ALOX12B: variants seen among roughly 807,000 people sequenced by gnomAD.
ALOX12B encodes arachidonate 12-lipoxygenase, 12R type, also known as arachidonate 12-lipoxygenase, 12R-type.
Under a neutral mutation model 78.9 loss-of-function variants are expected in ALOX12B, and 47 were observed. The observed-to-expected ratio is 0.60, with a 90% CI of 0.47 to 0.76. ALOX12B has a LOEUF of 0.76. Among genes scored for constraint, ALOX12B ranks in the 30% least tolerant of loss-of-function variants. The pLI, the probability that ALOX12B is intolerant of heterozygous loss-of-function variation, is 0.00. For synonymous variants in ALOX12B, 370 were observed against 374.5 expected (o/e 0.99, Z 0.14); for missense variants, 805 against 922.6 (o/e 0.87, Z 1.65).
Position 8,079,246 on chromosome 17 carries a change from T to C in ALOX12B, c.1071+150A>G. The stretch of plus-strand genomic sequence containing the variant: ...ACTTGAGCATCTGCAGATTTTGGCA[T>C]CCCGGGGAGGTCCTGGAACCAATCT... On this transcript the variant is annotated intron_variant, in intron 8 of 14. Transcript: ENST00000647874. This position sits in a 1 kb window ranked among gnomAD's most constrained non-coding sequence, Gnocchi z 6.4. 8.1e-7 allele frequency: 1 copy of C among 1,227,966 alleles called. No homozygotes were observed. Among genetic ancestry groups the C allele is most frequent in the Non-Finnish European group, 1.1e-6 (1 of 910,494 alleles). The allele number at this position is 1,227,966 out of a possible 1,614,324, so 76.1% of individuals were successfully genotyped here. A position where few individuals can be genotyped will look rare whatever the true frequency, so the allele number is the denominator to read the frequency against.
At position 8,080,734 on chromosome 17, in the gene ALOX12B, C is replaced by T; in HGVS notation, c.574G>A (p.Ala192Thr). The T allele has an allele frequency of 6.2e-7, 1 of 1,614,120 alleles. No individual in the cohort carries two copies. Among genetic ancestry groups the T allele is most frequent in the Non-Finnish European group, 8.5e-7 (1 of 1,180,028 alleles). The stretch of plus-strand genomic sequence containing the variant: ...AGATTTAAGTTCAGGAACTTGGTGG[C>T]CTTAAAGTTGATGAGAATTGGGAAT... The part of the protein sequence containing the change: ...PGFPILINFK[A>T]TKFLNLNLRY... The change falls in exon 5 of 15, where the codon GCC (alanine) becomes ACC (threonine). Residue 192 changes from alanine to threonine, a missense_variant. Ala to Thr is a moderately conservative substitution (Grantham distance 58). Transcript: ENST00000647874. The surrounding 1 kb of genome is among the most constrained non-coding windows in gnomAD (Gnocchi z 4.8).
chr17:8,086,356 T>TCTGATTGACCTGATC, intron 1 of ALOX12B, 136 bp from the exon 2 acceptor site: 1 of 886,648 alleles, frequency 1.1e-6, no homozygotes, highest in Non-Finnish European at 1.8e-6. Context: ...AGGGACAGGA[T>TCTGATTGACCTGATC]ATTGACCTGA....
chr17:8,076,668 G>A lies in ALOX12B; in HGVS notation c.1351C>T (p.Leu451Phe), dbSNP rs760658416. 1.5e-5 allele frequency: 24 copies of A among 1,551,204 alleles called. No individual in the cohort carries two copies. Among genetic ancestry groups the A allele is most frequent in the Non-Finnish European group, 2.0e-5 (23 of 1,146,938 alleles). Residue 451 changes from leucine to phenylalanine, a missense_variant, in exon 10 of 15, where the codon CTC (leucine) becomes TTC (phenylalanine). By Grantham distance (22) the Leu-to-Phe change is conservative. Transcript: ENST00000647874. ...GGCAGAAGTCTTACCTTGGCAGAGA[G>A]CCCCCCCTCATTGAGGAGAACGGCC... ...GRAVLLNEGG[L>F]SAKGMSLGVE...
Position 8,080,582 on chromosome 17 carries a change from T to C in ALOX12B, c.650+76A>G. 1 of 1,607,898 alleles carries C rather than the reference T, an allele frequency of 6.2e-7. No individual in the cohort carries two copies. The highest frequency in any genetic ancestry group is 8.5e-7 in the Non-Finnish European group (1 of 1,176,146). ...GCCATTCCAACCTCTGGGGCTGTCT[T>C]GGAGGCCGCCAAGGTTGGGGGAGAG... On this transcript the variant is annotated intron_variant, in intron 5 of 14. Coordinates refer to ENST00000647874, the MANE Select transcript of ALOX12B (RefSeq NM_001139.3). This position sits in a 1 kb window ranked among gnomAD's most constrained non-coding sequence, Gnocchi z 4.8.
intron 11 of ALOX12B, 132 bp downstream of exon 11, chr17:8,076,043 C>T: frequency 2.4e-6 from 3 of 1,241,978 alleles, no homozygotes; most frequent in Non-Finnish European, 2.3e-6. Flanking sequence ...ACACAGACCC[C>T]AGGCCCCTTC....
At chr17:8,073,838 G>T (rs1285386711) in intron 12 of ALOX12B, 81 bp from the exon 13 acceptor site, 6 of 1,134,418 alleles carry the variant, frequency 5.3e-6, no homozygotes, top group Non-Finnish European at 7.9e-6. Context: ...ACCATGCCCC[G>T]CTCTCACCGT....
In ALOX12B at chr17:8,080,217, G is replaced by A. The variant is rs902691979; in HGVS notation, c.754+18C>T. On this transcript the variant is annotated intron_variant, in intron 6 of 14. Coordinates refer to ENST00000647874, the MANE Select transcript of ALOX12B (RefSeq NM_001139.3). This position sits in a 1 kb window ranked among gnomAD's most constrained non-coding sequence, Gnocchi z 4.8. Reference sequence around the variant, plus strand: ...CGCCTGGCTCCCCCTGCTCGATCCGGGACGCCCCATTCCATACCGGAGACG... The same window carrying A: ...CGCCTGGCTCCCCCTGCTCGATCCGAGACGCCCCATTCCATACCGGAGACG... 1.9e-5 allele frequency: 31 copies of A among 1,611,652 alleles called. No homozygotes were observed. Among genetic ancestry groups the A allele is most frequent in the Non-Finnish European group, 2.5e-5 (29 of 1,177,860 alleles).
In ALOX12B at chr17:8,084,160, A is replaced by AG. The variant is rs533788000; in HGVS notation, c.352+1855_352+1856insC. On this transcript the variant is annotated intron_variant, in intron 2 of 14. Coordinates refer to ENST00000647874, the MANE Select transcript of ALOX12B (RefSeq NM_001139.3). ...CAGAGCGAGACTCCATCTCAAAAAA[A>AG]AAAATTTGAAAATATGCCCAAATGT... 1.2e-3 allele frequency among the ~76,000 whole-genome samples: 187 copies of AG among 151,918 alleles called. 1 individual carries two copies. The highest frequency in any genetic ancestry group is 6.8e-3 in the Middle Eastern group (2 of 294).
chr17:8,078,379 C>T (rs1007621162), intron 8 of ALOX12B, among the ~76,000 whole-genome samples: 7 of 142,528 alleles, frequency 4.9e-5, no homozygotes, highest in African/African-American at 1.8e-4. Flanking sequence ...GAGCTCCTGA[C>T]CTCAGGTAAT....
chr17:8,076,103 A>G (rs1977074263), intron 11 of ALOX12B, 72 bp downstream of exon 11: 2 of 1,596,620 alleles, frequency 1.3e-6, no homozygotes, highest in Admixed American at 1.7e-5. Context: ...AGTTCTCTAG[A>G]AGCTCCCCAC....
In ALOX12B at chr17:8,076,735, G is replaced by T; in HGVS notation, c.1284C>A (p.Ile428=). 1 of 1,550,526 alleles carries T rather than the reference G, an allele frequency of 6.4e-7. No individual in the cohort carries two copies. The highest frequency in any genetic ancestry group is 8.7e-7 in the Non-Finnish European group (1 of 1,147,098). Residue 428 remains isoleucine (I), a synonymous_variant, in exon 10 of 15, where the codon ATC becomes ATA. Coordinates refer to ENST00000647874, the MANE Select transcript of ALOX12B (RefSeq NM_001139.3). ...TCTGGACGGTGTATCGGGTATGGGGGATGAGGAGCTGTGGGGAGAGCAAGG... is the reference window on the plus strand; with the variant it reads ...TCTGGACGGTGTATCGGGTATGGGGTATGAGGAGCTGTGGGGAGAGCAAGG... The part of the protein sequence containing the change: ...PMCHPLYKLL[I]PHTRYTVQIN...
Position 8,079,801 on chromosome 17 carries a change from C to A in ALOX12B, c.895G>T (p.Gly299Cys), listed in dbSNP as rs779441233. The A allele has an allele frequency of 4.3e-6, 7 of 1,613,130 alleles. No individual in the cohort carries two copies. Among genetic ancestry groups the A allele is most frequent in the Middle Eastern group, 1.7e-4 (1 of 6,054 alleles). The change falls in exon 7 of 15, where the codon GGC (glycine) becomes TGC (cysteine). Residue 299 changes from glycine to cysteine, a missense_variant. By Grantham distance (159) the Gly-to-Cys change is radical (BLOSUM62 -3). Transcript: ENST00000647874. The surrounding 1 kb of genome is among the most constrained non-coding windows in gnomAD (Gnocchi z 6.4). ...VTDDMVAPFL[G>C]EGTCLQAELE... Reference sequence around the variant, plus strand: ...TCCGCTTGCAAGCACGTTCCCTCGCCCAGGAACGGAGCCACCATGTCGTCT... The same window carrying A: ...TCCGCTTGCAAGCACGTTCCCTCGCACAGGAACGGAGCCACCATGTCGTCT...
intron 8 of ALOX12B, among the ~76,000 whole-genome samples, chr17:8,078,069 T>A (rs575188405): frequency 5.2e-4 from 79 of 152,304 alleles, no homozygotes; most frequent in African/African-American, 1.9e-3. Flanking sequence ...TACATTGTAT[T>A]GTATTGGGTA....
chr17:8,079,684 G>A lies in ALOX12B; in HGVS notation c.927+85C>T, dbSNP rs978672834. On this transcript the variant is annotated intron_variant, in intron 7 of 14. Transcript: ENST00000647874. This position sits in a 1 kb window ranked among gnomAD's most constrained non-coding sequence, Gnocchi z 6.4. ...GGGTGCGGGCTTGCCTGGGACTGGC[G>A]CGGGCGCCGGAGGTGGGGAGAGACG... 1.8e-5 allele frequency: 28 copies of A among 1,546,922 alleles called. No homozygotes were observed. The highest frequency in any genetic ancestry group is 2.2e-5 in the Non-Finnish European group (25 of 1,145,196).
Position 8,081,182 on chromosome 17 carries a change from T to C in ALOX12B, c.358A>G (p.Thr120Ala). The change falls in exon 3 of 15, where the codon ACA becomes GCA. Residue 120 changes from threonine (T) to alanine (A), a missense_variant. By Grantham distance (58) the Thr-to-Ala change is moderately conservative. Transcript: ENST00000647874. ...ACGGGGAGCGAGTCATCTGCTGTTG[T>C]CTTTCCTGTAGGGAGACCAAGGAGA... Reference protein sequence around the residue: ...TLALREATGKTTADDSLPVLL... With the variant: ...TLALREATGKATADDSLPVLL... 1 of 1,613,976 alleles carries C rather than the reference T, an allele frequency of 6.2e-7. No homozygotes were observed. Among genetic ancestry groups the C allele is most frequent in the Non-Finnish European group, 8.5e-7 (1 of 1,179,986 alleles).
chr17:8,073,072 C>T (rs1249011985), intron 14 of ALOX12B, 76 bp downstream of exon 14: 4 of 1,608,352 alleles, frequency 2.5e-6, no homozygotes, highest in Non-Finnish European at 3.4e-6. Context: ...CCCCTCTTGA[C>T]GCCGCTAGTT....
chr17:8,079,649 C>T lies in ALOX12B; in HGVS notation c.928-110G>A. Reference sequence around the variant, plus strand: ...ACTAGGGGCAGGGGTGGGACGGGGACAGGGACGCGGGGTGCGGGCTTGCCT... The same window carrying T: ...ACTAGGGGCAGGGGTGGGACGGGGATAGGGACGCGGGGTGCGGGCTTGCCT... On this transcript the variant is annotated intron_variant, in intron 7 of 14. Transcript: ENST00000647874. This position sits in a 1 kb window ranked among gnomAD's most constrained non-coding sequence, Gnocchi z 6.4. 6.5e-7 allele frequency: 1 copy of T among 1,532,772 alleles called. No individual in the cohort carries two copies. The highest frequency in any genetic ancestry group is 8.8e-7 in the Non-Finnish European group (1 of 1,135,822). The allele number at this position is 1,532,772 out of a possible 1,614,324, so 94.9% of individuals were successfully genotyped here.
intron 12 of ALOX12B, among the ~76,000 whole-genome samples, chr17:8,074,011 C>A (rs1423879532): frequency 6.6e-6 from 1 of 152,130 alleles, no homozygotes; most frequent in African/African-American, 2.4e-5. Context: ...AACCAGTGGC[C>A]CTCAGATCTC....
In ALOX12B at chr17:8,076,345, C is replaced by T. The variant is rs1437299933; in HGVS notation, c.1363-1G>A. On this transcript the variant is annotated splice_acceptor_variant, in intron 10 of 14. Coordinates refer to ENST00000647874, the MANE Select transcript of ALOX12B (RefSeq NM_001139.3). LOFTEE classifies it high-confidence loss of function. Reference sequence around the variant, plus strand: ...AGCCTTCCACGCCCAGGGACATGCCCTGTGAGGAAGGAGGCAGATCCTGGA... The same window carrying T: ...AGCCTTCCACGCCCAGGGACATGCCTTGTGAGGAAGGAGGCAGATCCTGGA... The T allele has an allele frequency of 3.8e-6, 6 of 1,598,066 alleles. No homozygotes were observed. Among genetic ancestry groups the T allele is most frequent in the East Asian group, 2.3e-5 (1 of 44,304 alleles).
Sources: allele counts gnomAD v4.1 joint callset (sites outside exome capture counted in the v4.1 genomes callset), GRCh38; gene constraint gnomAD v4.1.1; non-coding constraint Gnocchi (gnomAD v3.1); transcripts MANE v1.5; gene names NCBI Gene and HGNC (gene_info 2026-07-23, HGNC 2026-07-21).